Variants in RBFOX3 observed in about 807,000 individuals in gnomAD.
RBFOX3 encodes the protein RNA binding protein fox-1 homolog 3.
A neutral mutation model predicts 48.7 loss-of-function variants in RBFOX3; 17 were observed. That is an observed-to-expected ratio of 0.35 (90% CI 0.24 to 0.52). The LOEUF is 0.52. Ranked by LOEUF, RBFOX3 falls within the 20% of genes least tolerant of loss-of-function variation. The pLI, the probability that RBFOX3 is intolerant of heterozygous loss-of-function variation, is 0.94. For synonymous variants in RBFOX3, 212 were observed against 209.5 expected, an observed-to-expected ratio of 1.01 and a Z score of -0.10; for missense variants, 382 against 497.5, an observed-to-expected ratio of 0.77 and a Z score of 2.21.
intron 1 of RBFOX3, among the ~76,000 whole-genome samples, chr17:79,493,135 G>A (rs1373818218): frequency 6.6e-6 from 1 of 152,050 alleles, no homozygotes; most frequent in Non-Finnish European, 1.5e-5. Flanking sequence ...TGAAGAGGGA[G>A]GAGGCGTATC....
intron 4 of RBFOX3, among the ~76,000 whole-genome samples, chr17:79,229,089 C>T (rs976223610): frequency 8.0e-5 from 12 of 150,668 alleles, no homozygotes; most frequent in South Asian, 6.3e-4. Context: ...AGTAGCCAGG[C>T]GTGGTGGCAT....
At chr17:79,478,123 C>T (rs1324010915) in intron 2 of RBFOX3, among the ~76,000 whole-genome samples, 2 of 152,224 alleles carry the variant, frequency 1.3e-5, no homozygotes, top group African/African-American at 4.8e-5. Flanking sequence ...CTCATGCGGG[C>T]AGCCTGTGTC....
At position 79,525,726 on chromosome 17, in the gene RBFOX3, G is replaced by A. The variant is rs2086707913; in HGVS notation, c.-319-43128C>T. 2.0e-5 allele frequency among the ~76,000 whole-genome samples: 3 copies of A among 152,244 alleles called. No homozygotes were observed. The East Asian group carries it at 5.8e-4, about 29-fold the overall frequency. ...CCATCATCTATTTTTTCTAAGCTTG[G>A]GTTTTTGTAGAGGAAAGTTGTTTCC... On this transcript the variant is annotated intron_variant, in intron 1 of 14. Coordinates refer to ENST00000693108, the MANE Select transcript of RBFOX3 (RefSeq NM_001350451.2).
At chr17:79,591,940 T>C (rs1463723054) in intron 1 of RBFOX3, among the ~76,000 whole-genome samples, 2 of 149,180 alleles carry the variant, frequency 1.3e-5, no homozygotes, top group Non-Finnish European at 3.0e-5. Context: ...GGGGTGTGCA[T>C]GTGTTGTGTG....
Position 79,329,880 on chromosome 17 carries a change from G to A in RBFOX3, c.-174-22056C>T, listed in dbSNP as rs115642147. On this transcript the variant is annotated intron_variant, in intron 2 of 14. Coordinates refer to ENST00000693108, the MANE Select transcript of RBFOX3 (RefSeq NM_001350451.2). ...TCACCAAGGGTCCCACGCAGAGTCC[G>A]GCTCCTTCTCAGACCCTTCAGCCCT... is the stretch of plus-strand genomic sequence containing the variant. Among the ~76,000 whole-genome samples, 430 of 152,240 alleles carry A rather than the reference G, an allele frequency of 2.8e-3. 1 individual carries two copies. The highest frequency in any genetic ancestry group is 9.7e-3 in the African/African-American group (404 of 41,546).
chr17:79,360,873 G>A lies in RBFOX3; in HGVS notation c.-174-53049C>T, dbSNP rs190253360. Among the ~76,000 whole-genome samples the A allele has an allele frequency of 1.5e-3, 221 of 151,826 alleles. 4 individuals are homozygous for A. Among genetic ancestry groups the A allele is most frequent in the Admixed American group, 0.014 (210 of 15,266 alleles). On this transcript the variant is annotated intron_variant, in intron 2 of 14. Coordinates refer to ENST00000693108, the MANE Select transcript of RBFOX3 (RefSeq NM_001350451.2). ...ACAGATTAAATTATGTTGGGGGAAG[G>A]GGAGTGGCAATATGAGTTTGAAATT...
chr17:79,358,149 T>A lies in RBFOX3; in HGVS notation c.-174-50325A>T, dbSNP rs1048282975. On this transcript the variant is annotated intron_variant, in intron 2 of 14. Transcript: ENST00000693108. ...TTTGTAGAGACAGGGTCCACCTATG[T>A]TGCCCAAGCTGGTCTCAAACACCTG... 3.3e-5 allele frequency among the ~76,000 whole-genome samples: 5 copies of A among 152,280 alleles called. No homozygotes were observed. The Middle Eastern group carries it at 0.01, about 311-fold the overall frequency.
chr17:79,489,240 TAAAAAAAA>T (rs71161671), intron 1 of RBFOX3, among the ~76,000 whole-genome samples: 2 of 126,510 alleles, frequency 1.6e-5, no homozygotes, highest in African/African-American at 3.0e-5. Flanking sequence ...GCCAGAAAGT[TAAAAAAAA>T]AAAAAAAAAA....
At chr17:79,542,365 G>A (rs997359861) in intron 1 of RBFOX3, among the ~76,000 whole-genome samples, 4 of 152,162 alleles carry the variant, frequency 2.6e-5, no homozygotes, top group African/African-American at 7.2e-5. Context: ...CAGTGTGAGC[G>A]CTAGTGGGGC....
chr17:79,611,130 T>TTCTCTC (rs1173570495), upstream of RBFOX3, among the ~76,000 whole-genome samples: 80 of 37,820 alleles, frequency 2.1e-3, 19 homozygotes, highest in African/African-American at 0.014. Flanking sequence ...TCCGCCCTCC[T>TTCTCTC]TCTCTCTCTC....
chr17:79,216,386 G>A (rs1452299124), intron 4 of RBFOX3, among the ~76,000 whole-genome samples: 1 of 152,212 alleles, frequency 6.6e-6, no homozygotes, highest in Non-Finnish European at 1.5e-5. Flanking sequence ...GGTGGGGAGG[G>A]GTCTCCTGGC....
chr17:79,503,609 T>G (rs1257844623), intron 1 of RBFOX3, among the ~76,000 whole-genome samples: 2 of 152,136 alleles, frequency 1.3e-5, no homozygotes, highest in African/African-American at 4.8e-5. Flanking sequence ...CATCTCCAGC[T>G]CCACGGCTGC....
At chr17:79,170,706 T>C (rs1162482743) in intron 4 of RBFOX3, among the ~76,000 whole-genome samples, 1 of 152,186 alleles carries the variant, frequency 6.6e-6, no homozygotes, top group Non-Finnish European at 1.5e-5. Flanking sequence ...TGTAGCTTTC[T>C]GGCCCCTCCT....
intron 2 of RBFOX3, among the ~76,000 whole-genome samples, chr17:79,377,673 C>A (rs372278956): frequency 6.6e-6 from 1 of 152,334 alleles, no homozygotes; most frequent in African/African-American, 2.4e-5. Flanking sequence ...CTTCTGAGTG[C>A]CAGCATTGTA....
chr17:79,523,293 A>C (rs2150012988), intron 1 of RBFOX3, among the ~76,000 whole-genome samples: 1 of 152,284 alleles, frequency 6.6e-6, no homozygotes, highest in South Asian at 2.1e-4. Flanking sequence ...ACGACGGCAA[A>C]TTTTATGTGA....
chr17:79,123,182 T>A (rs536468383), intron 4 of RBFOX3, among the ~76,000 whole-genome samples: 2 of 152,150 alleles, frequency 1.3e-5, no homozygotes, highest in Non-Finnish European at 2.9e-5. Context: ...AATAACTTAA[T>A]TGTACACTTA....
Position 79,165,637 on chromosome 17 carries a change from T to A in RBFOX3, c.-33-49889A>T, listed in dbSNP as rs376312841. ...CGGAGCCCCCTGGAGAAATTCTGGC[T>A]TCGCCGGCCGGGGTCCCTGGCTCCT... On this transcript the variant is annotated intron_variant, in intron 4 of 14. Transcript: ENST00000693108. Among the ~76,000 whole-genome samples the A allele has an allele frequency of 2.6e-5, 4 of 152,224 alleles. No individual in the cohort carries two copies. The East Asian group carries it at 5.8e-4, about 22-fold the overall frequency.
At chr17:79,644,353 G>C in the RBFOX3 span, among the ~76,000 whole-genome samples, 1 of 152,038 alleles carries the variant, frequency 6.6e-6, no homozygotes, top group Non-Finnish European at 1.5e-5. Context: ...ATCAAAAACT[G>C]ATAAAGACAT....
chr17:79,114,721 G>T (rs2146969722), intron 5 of RBFOX3, among the ~76,000 whole-genome samples: 1 of 152,328 alleles, frequency 6.6e-6, no homozygotes, highest in East Asian at 1.9e-4. Flanking sequence ...GGCCAGCGGG[G>T]ACAGTTGGAT....
Sources: allele counts gnomAD v4.1 joint callset (sites outside exome capture counted in the v4.1 genomes callset), GRCh38; gene constraint gnomAD v4.1.1; transcripts MANE v1.5; gene names NCBI Gene and HGNC (gene_info 2026-07-23, HGNC 2026-07-21).